GNAL: variants seen among roughly 807,000 people sequenced by gnomAD.
The protein encoded by GNAL is guanine nucleotide-binding protein G(olf) subunit alpha.
In GNAL, 18 loss-of-function variants were observed where a neutral mutation model predicts 55.1. The ratio of observed to expected loss-of-function variants is 0.33; its 90% CI spans 0.23 to 0.48. The LOEUF (loss-of-function observed/expected upper bound fraction) is 0.48, where lower values mean the gene tolerates loss of function less well. Ranked by LOEUF, GNAL falls within the 20% of genes least tolerant of loss-of-function variation. GNAL has a pLI of 0.99. For missense variants in GNAL, 412 were observed against 614.1 expected (o/e 0.67, Z 3.48); for synonymous variants, 253 against 237.0 (o/e 1.07, Z -0.62).
At chr18:11,859,573 T>A (rs1267504657) in intron 5 of GNAL, among the ~76,000 whole-genome samples, 1 of 152,070 alleles carries the variant, frequency 6.6e-6, no homozygotes, top group Non-Finnish European at 1.5e-5. Flanking sequence ...TTCCTTCCCC[T>A]CTGGAGCCAG....
chr18:11,822,192 G>A (rs1294143614), intron 4 of GNAL, among the ~76,000 whole-genome samples: 8 of 152,326 alleles, frequency 5.3e-5, no homozygotes, highest in South Asian at 4.1e-4. Flanking sequence ...TTTCTCGGGC[G>A]GGGCGTGGTG....
intron 4 of GNAL, among the ~76,000 whole-genome samples, chr18:11,770,850 A>G (rs184490058): frequency 3.5e-3 from 527 of 152,254 alleles, no homozygotes; most frequent in Non-Finnish European, 6.2e-3. Flanking sequence ...AAGGTGTTAT[A>G]TGTTTACTTT....
Position 11,735,060 on chromosome 18 carries a change from T to G in GNAL, c.377-17793T>G, listed in dbSNP as rs1379379472. Among the ~76,000 whole-genome samples, 4 of 149,068 alleles carry G rather than the reference T, an allele frequency of 2.7e-5. No individual in the cohort carries two copies. The South Asian group carries it at 6.5e-4, about 24-fold the overall frequency. On this transcript the variant is annotated intron_variant, in intron 1 of 11. Transcript: ENST00000334049. ...GTTTTGTTTATTGTTTTTGTGGGGG[T>G]TTTTTTTGAGATGGAGTTTCGCCCT...
intron 1 of GNAL, among the ~76,000 whole-genome samples, chr18:11,715,818 C>T (rs906747697): frequency 1.3e-5 from 2 of 151,696 alleles, no homozygotes; most frequent in Admixed American, 1.3e-4. Context: ...TAGTAATGGA[C>T]TGATGAGAAG....
intron 4 of GNAL, among the ~76,000 whole-genome samples, chr18:11,763,783 T>G (rs867191075): frequency 3.3e-5 from 5 of 152,224 alleles, no homozygotes; most frequent in African/African-American, 1.2e-4. Context: ...CTCTGGTCAG[T>G]AATCTAATCC....
At chr18:11,813,267 A>G (rs2034868643) in intron 4 of GNAL, among the ~76,000 whole-genome samples, 1 of 152,008 alleles carries the variant, frequency 6.6e-6, no homozygotes, top group South Asian at 2.1e-4. Flanking sequence ...AAAAAAGAAA[A>G]AAAGACATAA....
intron 4 of GNAL, among the ~76,000 whole-genome samples, chr18:11,793,172 A>G (rs751869647): frequency 2.0e-5 from 3 of 152,060 alleles, no homozygotes; most frequent in Non-Finnish European, 2.9e-5. Flanking sequence ...CTTCATCAAA[A>G]TTTTAAAATT....
chr18:11,725,113 G>A (rs183890002), intron 1 of GNAL, among the ~76,000 whole-genome samples: 8 of 152,276 alleles, frequency 5.3e-5, no homozygotes, highest in East Asian at 1.9e-4. Context: ...TTAATGAGCC[G>A]GAGTCACACA....
chr18:11,822,754 C>G (rs1216412322), intron 4 of GNAL, among the ~76,000 whole-genome samples: 2 of 152,058 alleles, frequency 1.3e-5, no homozygotes, highest in Non-Finnish European at 2.9e-5. Context: ...CGACCGTACC[C>G]CACACGGTTT....
chr18:11,855,372 G>A (rs1387841491), intron 5 of GNAL, among the ~76,000 whole-genome samples: 1 of 152,182 alleles, frequency 6.6e-6, no homozygotes, highest in African/African-American at 2.4e-5. Context: ...TAGTTAACTA[G>A]TTAATCTTCC....
intron 11 of GNAL, among the ~76,000 whole-genome samples, chr18:11,879,583 ACCT>A (rs2036613278): frequency 6.6e-6 from 1 of 152,096 alleles, no homozygotes; most frequent in Admixed American, 6.5e-5. Context: ...CACCCTAATG[ACCT>A]CATTTTACCG....
intron 5 of GNAL, chr18:11,852,415 C>T (rs1344028448): frequency 1.2e-5 from 4 of 338,046 alleles, no homozygotes; most frequent in Non-Finnish European, 2.3e-5. Flanking sequence ...TATTCAGTTT[C>T]CTGCCCAGAA....
chr18:11,830,983 A>T (rs2035368147), intron 5 of GNAL, among the ~76,000 whole-genome samples: 1 of 152,204 alleles, frequency 6.6e-6, no homozygotes, highest in African/African-American at 2.4e-5. Flanking sequence ...GAGAGGGGGA[A>T]CTTAAGAGTG....
At chr18:11,874,237 T>C (rs1275909644) in intron 10 of GNAL, 6 of 152,198 alleles carry the variant, frequency 3.9e-5, no homozygotes, top group African/African-American at 1.4e-4. Flanking sequence ...CCCAAGAGAC[T>C]CACCCATCCC....
intron 4 of GNAL, among the ~76,000 whole-genome samples, chr18:11,788,910 A>ATATATATATATATATATATAT (rs1314963053): frequency 1.4e-5 from 1 of 73,356 alleles, no homozygotes; most frequent in East Asian, 4.7e-4. Flanking sequence ...AAAAAAAAAA[A>ATATATATATATATATATATAT]AAAAATATAT....
chr18:11,854,608 C>T (rs1338668461), intron 5 of GNAL, among the ~76,000 whole-genome samples: 2 of 152,176 alleles, frequency 1.3e-5, no homozygotes, highest in African/African-American at 2.4e-5. Context: ...ATGGAGAAAC[C>T]CCGCCTCTAC....
chr18:11,854,058 C>A (rs2035945843), intron 5 of GNAL: 1 of 166,846 alleles, frequency 6.0e-6, no homozygotes, highest in South Asian at 2.1e-4. Flanking sequence ...CTCCTGACCT[C>A]AGGTGATCCG....
intron 4 of GNAL, among the ~76,000 whole-genome samples, chr18:11,807,919 A>T (rs1027185560): frequency 2.0e-5 from 3 of 151,966 alleles, no homozygotes; most frequent in Non-Finnish European, 4.4e-5. Flanking sequence ...GGTGCTAATG[A>T]TGAGCCAGGT....
chr18:11,796,103 C>T lies in GNAL; in HGVS notation c.625-28815C>T, dbSNP rs554116678. Among the ~76,000 whole-genome samples, 11 of 152,240 alleles carry T rather than the reference C, an allele frequency of 7.2e-5. No homozygotes were observed. In the South Asian group the frequency reaches 2.1e-3, roughly 29 times the overall value. On this transcript the variant is annotated intron_variant, in intron 4 of 11. Transcript: ENST00000334049. ...AGTAACCATCCCTCCTTAACCCATT[C>T]ATTAACTTTATATACACAAACCACA...
Sources: allele counts gnomAD v4.1 joint callset (sites outside exome capture counted in the v4.1 genomes callset), GRCh38; gene constraint gnomAD v4.1.1; transcripts MANE v1.5; gene names NCBI Gene and HGNC (gene_info 2026-07-23, HGNC 2026-07-21).